RPS6KC1: variants seen among roughly 807,000 people sequenced by gnomAD.
RPS6KC1 encodes inactive ribosomal protein S6 kinase delta-1.
Under a neutral mutation model 103.8 loss-of-function variants are expected in RPS6KC1, and 54 were observed. The ratio of observed to expected loss-of-function variants is 0.52; its 90% CI spans 0.42 to 0.65. The LOEUF (loss-of-function observed/expected upper bound fraction) is 0.65. Ranked by LOEUF, RPS6KC1 falls within the 30% of genes least tolerant of loss-of-function variation. The pLI, the probability that RPS6KC1 is intolerant of heterozygous loss-of-function variation, is 0.00. For synonymous variants in RPS6KC1, 439 were observed against 438.7 expected, an observed-to-expected ratio of 1.00 and a Z score of -0.01; for missense variants, 1,151 against 1,253.8, an observed-to-expected ratio of 0.92 and a Z score of 1.24.
the RPS6KC1 span, among the ~76,000 whole-genome samples, chr1:213,824,199 C>T: frequency 6.6e-6 from 1 of 152,140 alleles, no homozygotes; most frequent in African/African-American, 2.4e-5. Flanking sequence ...AAAGTATGAC[C>T]AAGACAGTGA....
At chr1:213,363,727 G>A in the RPS6KC1 span, among the ~76,000 whole-genome samples, 8 of 40,390 alleles carry the variant, frequency 2.0e-4, no homozygotes, top group East Asian at 8.6e-4. Flanking sequence ...TCTTTCTTTC[G>A]TTCTTTCTTT....
the RPS6KC1 span, among the ~76,000 whole-genome samples, chr1:213,857,758 C>T: frequency 0.015 from 2,341 of 152,300 alleles, 41 homozygotes; most frequent in Middle Eastern, 0.034. Flanking sequence ...CACAGCAGGA[C>T]GTCCTGCTTG....
the RPS6KC1 span, among the ~76,000 whole-genome samples, chr1:213,785,878 C>T: frequency 8.5e-5 from 13 of 152,106 alleles, no homozygotes; most frequent in African/African-American, 2.9e-4. Context: ...GTGTGCCATA[C>T]GGTAGGTGAT....
At chr1:213,858,427 G>C in the RPS6KC1 span, among the ~76,000 whole-genome samples, 1 of 151,864 alleles carries the variant, frequency 6.6e-6, no homozygotes, top group Non-Finnish European at 1.5e-5. Context: ...TCACATGTTG[G>C]GGGGGCGGTG....
the RPS6KC1 span, among the ~76,000 whole-genome samples, chr1:213,330,803 A>G: frequency 6.6e-6 from 1 of 152,174 alleles, no homozygotes. Flanking sequence ...TGAGGAGTCC[A>G]TGGTTTAAGT....
the RPS6KC1 span, among the ~76,000 whole-genome samples, chr1:213,636,580 G>T: frequency 6.6e-6 from 1 of 152,148 alleles, no homozygotes; most frequent in Non-Finnish European, 1.5e-5. Flanking sequence ...AGCTGAAACT[G>T]GATCCCTTCC....
chr1:213,609,560 C>A, the RPS6KC1 span, among the ~76,000 whole-genome samples: 1 of 152,014 alleles, frequency 6.6e-6, no homozygotes, highest in East Asian at 1.9e-4. Context: ...GCTTGTGCAT[C>A]CCCGGAAATG....
At chr1:213,611,695 T>A in the RPS6KC1 span, among the ~76,000 whole-genome samples, 1 of 152,328 alleles carries the variant, frequency 6.6e-6, no homozygotes, top group Non-Finnish European at 1.5e-5. Flanking sequence ...TTGAAGCTCC[T>A]TGGCGGAGTT....
chr1:213,293,149 G>A, the RPS6KC1 span, among the ~76,000 whole-genome samples: 1 of 152,170 alleles, frequency 6.6e-6, no homozygotes, highest in African/African-American at 2.4e-5. Flanking sequence ...GCCTGCACTG[G>A]CCTTTCTTTG....
the RPS6KC1 span, among the ~76,000 whole-genome samples, chr1:213,833,129 T>C: frequency 6.6e-6 from 1 of 152,186 alleles, no homozygotes; most frequent in Admixed American, 6.5e-5. Flanking sequence ...AGCCTGGAGC[T>C]GCATTTTAGA....
chr1:213,821,748 C>T, the RPS6KC1 span: 1 of 152,266 alleles, frequency 6.6e-6, no homozygotes, highest in Non-Finnish European at 1.5e-5. Flanking sequence ...ACTCTTGCAT[C>T]CATAGTCACC....
chr1:213,356,009 A>G, the RPS6KC1 span, among the ~76,000 whole-genome samples: 1 of 152,210 alleles, frequency 6.6e-6, no homozygotes, highest in South Asian at 2.1e-4. Flanking sequence ...AGTGTTCAGA[A>G]CGGTGCCTGC....
the RPS6KC1 span, among the ~76,000 whole-genome samples, chr1:213,743,877 G>A: frequency 7.9e-5 from 12 of 152,230 alleles, no homozygotes; most frequent in South Asian, 1.5e-3. Flanking sequence ...AGGGTCTTTG[G>A]TGTCCCCTGC....
chr1:213,205,567 T>TATATATATATA (rs57191154), intron 8 of RPS6KC1, among the ~76,000 whole-genome samples: 8 of 138,650 alleles, frequency 5.8e-5, no homozygotes, highest in African/African-American at 1.8e-4. Flanking sequence ...TATATATATA[T>TATATATATATA]TTCAAAAGAA....
chr1:213,677,774 G>T, the RPS6KC1 span, among the ~76,000 whole-genome samples: 1 of 152,122 alleles, frequency 6.6e-6, no homozygotes, highest in Non-Finnish European at 1.5e-5. Flanking sequence ...TTGGGAGGCT[G>T]AGGTGGGTGG....
intron 8 of RPS6KC1, among the ~76,000 whole-genome samples, chr1:213,192,482 A>G (rs1222344066): frequency 6.6e-6 from 1 of 152,190 alleles, no homozygotes; most frequent in Admixed American, 6.5e-5. Context: ...GGGATAATTC[A>G]GCAGTGAAGC....
At chr1:213,223,612 G>A (rs915750950) in intron 8 of RPS6KC1, among the ~76,000 whole-genome samples, 1 of 152,066 alleles carries the variant, frequency 6.6e-6, no homozygotes, top group Non-Finnish European at 1.5e-5. Flanking sequence ...CTCATTGGTC[G>A]CTGGGCACTT....
chr1:213,716,709 G>C, the RPS6KC1 span, among the ~76,000 whole-genome samples: 1 of 151,966 alleles, frequency 6.6e-6, no homozygotes, highest in African/African-American at 2.4e-5. Flanking sequence ...TATATATATA[G>C]TTTCCTATCT....
the RPS6KC1 span, among the ~76,000 whole-genome samples, chr1:213,815,657 G>A: frequency 6.6e-6 from 1 of 152,332 alleles, no homozygotes; most frequent in African/African-American, 2.4e-5. Flanking sequence ...ATTAGGCTTT[G>A]ACTCTAAGGG....
Sources: gnomAD v4.1 joint callset for allele counts (sites outside exome capture counted in the v4.1 genomes callset) on GRCh38, gnomAD v4.1.1 for gene constraint, MANE v1.5 for transcripts, NCBI Gene and HGNC (gene_info 2026-07-23, HGNC 2026-07-21) for gene names.